EVL: variants seen among roughly 807,000 people sequenced by gnomAD.
EVL encodes the protein Enah/Vasp-like.
EVL carries 21 observed loss-of-function variants against 59.6 expected under a neutral mutation model. The ratio of observed to expected loss-of-function variants is 0.35; its 90% CI spans 0.25 to 0.51. The LOEUF (loss-of-function observed/expected upper bound fraction) is 0.51, where lower values mean the gene tolerates loss of function less well. Ranked by LOEUF, EVL falls within the 20% of genes least tolerant of loss-of-function variation. The pLI is 0.97. For synonymous variants in EVL, 198 were observed against 203.5 expected (o/e 0.97, Z 0.23); for missense variants, 462 against 546.6 (o/e 0.85, Z 1.54).
chr14:100,055,740 T>C (rs535397359), intron 1 of EVL, among the ~76,000 whole-genome samples: 109 of 152,372 alleles, frequency 7.2e-4, no homozygotes, highest in Middle Eastern at 3.4e-3. Context: ...TACTTAGATA[T>C]CGTAATCAGT....
chr14:100,021,981 C>T (rs1181278876), intron 1 of EVL, among the ~76,000 whole-genome samples: 1 of 151,948 alleles, frequency 6.6e-6, no homozygotes, highest in Admixed American at 6.5e-5. Flanking sequence ...TTTATAATCT[C>T]GGTGCCGCTA....
intron 1 of EVL, among the ~76,000 whole-genome samples, chr14:99,984,516 G>C (rs1178865502): frequency 7.2e-5 from 11 of 152,112 alleles, no homozygotes; most frequent in Admixed American, 7.2e-4. Context: ...TAGAAAAATT[G>C]AGAAGGTTGT....
intron 3 of EVL, among the ~76,000 whole-genome samples, chr14:100,101,714 C>G (rs1245114613): frequency 6.6e-6 from 1 of 152,214 alleles, no homozygotes; most frequent in African/African-American, 2.4e-5. Context: ...CATGACTATA[C>G]TGGTTTACAC....
intron 1 of EVL, among the ~76,000 whole-genome samples, chr14:100,017,410 C>G (rs1166183581): frequency 6.6e-6 from 1 of 152,150 alleles, no homozygotes; most frequent in African/African-American, 2.4e-5. Context: ...AGAAGAACCA[C>G]CCAGTCATCA....
At position 100,141,789 on chromosome 14, in the gene EVL, C is replaced by T. The variant is rs775118477; in HGVS notation, c.1215C>T (p.Ile405=). ...TCCACAAGGTGAAGGAGGAGATCAT[C>T]GACGGTGAGTGCAGCCCCACCGGGG... ...RELHKVKEEI[I]DAIRQELSGI... The change falls in exon 13 of 14, where the codon ATC becomes ATT. Residue 405 remains isoleucine, a synonymous_variant. Transcript: ENST00000392920. 7 of 1,612,932 alleles carry T rather than the reference C, an allele frequency of 4.3e-6. No individual in the cohort carries two copies. In the South Asian group the frequency reaches 4.4e-5, roughly 10 times the overall value.
intron 1 of EVL, among the ~76,000 whole-genome samples, chr14:100,006,007 T>TC (rs1491052223): frequency 1.3e-4 from 5 of 37,824 alleles, no homozygotes; most frequent in African/African-American, 4.8e-4. Flanking sequence ...TTGCTGGCCA[T>TC]TTCCCCCCCC....
intron 3 of EVL, among the ~76,000 whole-genome samples, chr14:100,123,237 G>A (rs953492829): frequency 6.6e-6 from 1 of 152,242 alleles, no homozygotes; most frequent in African/African-American, 2.4e-5. Context: ...TCGAAGCAGT[G>A]AGAAGATAGT....
chr14:100,112,294 T>G (rs1407307439), intron 3 of EVL, among the ~76,000 whole-genome samples: 1 of 152,160 alleles, frequency 6.6e-6, no homozygotes, highest in Non-Finnish European at 1.5e-5. Context: ...CTGCCTGCCC[T>G]CTCTCATCCA....
intron 3 of EVL, among the ~76,000 whole-genome samples, chr14:100,100,439 G>T (rs767244174): frequency 6.6e-6 from 1 of 152,100 alleles, no homozygotes; most frequent in Non-Finnish European, 1.5e-5. Context: ...AATACCATGC[G>T]CAGATAAGCA....
At position 99,988,322 on chromosome 14, in the gene EVL, C is replaced by T. The variant is rs56095339; in HGVS notation, c.5+16265C>T. Among the ~76,000 whole-genome samples, 136 of 152,096 alleles carry T rather than the reference C, an allele frequency of 8.9e-4. 3 individuals carry two copies. The highest frequency in any genetic ancestry group is 2.5e-3 in the Admixed American group (38 of 15,282). Reference sequence around the variant, plus strand: ...TGAAAAGGTGCTTAGCATCATTAGACAAGAGGAAAGGCAAACCAAAACCAC... The same window carrying T: ...TGAAAAGGTGCTTAGCATCATTAGATAAGAGGAAAGGCAAACCAAAACCAC... On this transcript the variant is annotated intron_variant, in intron 1 of 13. Transcript: ENST00000402714.
chr14:100,015,594 T>C (rs985994566), intron 1 of EVL, among the ~76,000 whole-genome samples: 3 of 152,162 alleles, frequency 2.0e-5, no homozygotes, highest in African/African-American at 4.8e-5. Flanking sequence ...CACAGATCAT[T>C]AGCGCCGGCA....
chr14:100,046,343 T>C (rs1363389475), intron 1 of EVL, among the ~76,000 whole-genome samples: 10 of 152,130 alleles, frequency 6.6e-5, no homozygotes, highest in Admixed American at 6.5e-4. Flanking sequence ...GGGTTATTTA[T>C]TCTTTAGCAA....
At chr14:100,073,176 A>G (rs2062085454) in intron 1 of EVL, among the ~76,000 whole-genome samples, 1 of 150,058 alleles carries the variant, frequency 6.7e-6, no homozygotes, top group Non-Finnish European at 1.5e-5. Flanking sequence ...CTTTGCTGAC[A>G]CTCTTCCCTC....
intron 13 of EVL, among the ~76,000 whole-genome samples, 197 bp from the exon 14 acceptor site, chr14:100,143,504 C>T (rs555169814): frequency 5.3e-4 from 80 of 152,284 alleles, no homozygotes; most frequent in African/African-American, 1.6e-3. Flanking sequence ...CAGGGGCCGC[C>T]GCAGAAGGAA....
chr14:100,039,390 C>G (rs2061434259), intron 1 of EVL, among the ~76,000 whole-genome samples: 1 of 152,226 alleles, frequency 6.6e-6, no homozygotes, highest in Non-Finnish European at 1.5e-5. Flanking sequence ...GCATGCACCA[C>G]CACACCTGGC....
chr14:100,062,550 A>G (rs2061856367), upstream of EVL, among the ~76,000 whole-genome samples: 1 of 152,206 alleles, frequency 6.6e-6, no homozygotes, highest in Non-Finnish European at 1.5e-5. Flanking sequence ...AACAGATGAG[A>G]CAAACAGAAA....
intron 1 of EVL, chr14:100,066,399 T>C (rs573676180): frequency 6.6e-6 from 1 of 152,188 alleles, no homozygotes; most frequent in East Asian, 1.9e-4. Flanking sequence ...ACATGGCAGG[T>C]TGGGGAAGGA....
chr14:100,137,990 C>CT, intron 11 of EVL, 188 bp downstream of exon 11: 1 of 625,968 alleles, frequency 1.6e-6, no homozygotes, highest in Non-Finnish European at 2.8e-6. Context: ...TCTTTTCCCT[C>CT]TGAGAGAGAG....
At chr14:100,022,455 T>C (rs895703167) in intron 1 of EVL, among the ~76,000 whole-genome samples, 1 of 152,080 alleles carries the variant, frequency 6.6e-6, no homozygotes, top group African/African-American at 2.4e-5. Flanking sequence ...TTTTTTTGTA[T>C]TTTTAGTAGA....
Sources: gnomAD v4.1 joint callset for allele counts (sites outside exome capture counted in the v4.1 genomes callset) on GRCh38, gnomAD v4.1.1 for gene constraint, MANE v1.5 for transcripts, NCBI Gene and HGNC (gene_info 2026-07-23, HGNC 2026-07-21) for gene names.